The following RAPGEF4 variants were observed in gnomAD, a reference collection of about 807,000 sequenced individuals.
RAPGEF4 encodes RAP guanine-nucleotide-exchange factor (GEF) 4.
A neutral mutation model predicts 147.9 loss-of-function variants in RAPGEF4; 66 were observed. That is an observed-to-expected ratio of 0.45 (90% CI 0.37 to 0.55). The LOEUF (loss-of-function observed/expected upper bound fraction) is 0.55. Among genes scored for constraint, RAPGEF4 ranks in the 20% least tolerant of loss-of-function variants. The probability of loss-of-function intolerance (pLI) is 0.00; values close to 1 mark genes in which losing one functional copy is unlikely to be tolerated. For missense variants in RAPGEF4, 1,071 were observed against 1,257.3 expected (o/e 0.85, Z 2.24); for synonymous variants, 419 against 442.7 (o/e 0.95, Z 0.67).
At chr2:172,977,400 C>A (rs963923463) in intron 10 of RAPGEF4, among the ~76,000 whole-genome samples, 1 of 152,156 alleles carries the variant, frequency 6.6e-6, no homozygotes, top group Non-Finnish European at 1.5e-5. Context: ...TGGTGGGGAA[C>A]GCTCAGTTTT....
intron 3 of RAPGEF4, among the ~76,000 whole-genome samples, chr2:172,808,014 A>G (rs1458941196): frequency 6.6e-6 from 1 of 152,184 alleles, no homozygotes; most frequent in Non-Finnish European, 1.5e-5. Flanking sequence ...TGTTTAATTG[A>G]TTGTTAGCTA....
chr2:172,992,943 G>A (rs1692975915), intron 15 of RAPGEF4, among the ~76,000 whole-genome samples: 1 of 152,072 alleles, frequency 6.6e-6, no homozygotes, highest in African/African-American at 2.4e-5. Context: ...GATAAATATG[G>A]GGCTGATATT....
At chr2:172,738,281 ATCT>A (rs990743536) in intron 1 of RAPGEF4, among the ~76,000 whole-genome samples, 1 of 152,050 alleles carries the variant, frequency 6.6e-6, no homozygotes, top group Non-Finnish European at 1.5e-5. Flanking sequence ...TGCTATCTTG[ATCT>A]TCTTTTCCAG....
intron 4 of RAPGEF4, among the ~76,000 whole-genome samples, chr2:172,822,358 T>A (rs935892203): frequency 2.0e-5 from 3 of 152,252 alleles, no homozygotes; most frequent in Non-Finnish European, 4.4e-5. Flanking sequence ...AAATGAATTT[T>A]GTTCAAGGAA....
At chr2:172,914,610 GAGAA>G (rs1458337238) in intron 4 of RAPGEF4, among the ~76,000 whole-genome samples, 2 of 148,700 alleles carry the variant, frequency 1.3e-5, no homozygotes, top group African/African-American at 4.9e-5. Context: ...AGGAAGAAAA[GAGAA>G]AGAGAGAGAA....
intron 10 of RAPGEF4, 134 bp from the exon 11 acceptor site, chr2:172,983,362 C>T (rs1691884335): frequency 6.8e-7 from 1 of 1,461,462 alleles, no homozygotes; most frequent in Non-Finnish European, 9.0e-7. Context: ...ACTGGTGCAA[C>T]CTCTCCCTCC....
intron 4 of RAPGEF4, chr2:172,821,743 A>AAC (rs2149630986): frequency 9.6e-7 from 1 of 1,040,376 alleles, no homozygotes; most frequent in East Asian, 5.9e-5. Flanking sequence ...AAGTTAAAAA[A>AAC]AAAAAAAAAA....
chr2:172,874,503 GT>G (rs1187613394), intron 4 of RAPGEF4, among the ~76,000 whole-genome samples: 1 of 152,030 alleles, frequency 6.6e-6, no homozygotes, highest in African/African-American at 2.4e-5. Context: ...GCGATGTTTG[GT>G]TTTTTGTCCT....
At chr2:172,958,464 G>A (rs986035403) in intron 6 of RAPGEF4, among the ~76,000 whole-genome samples, 2 of 152,180 alleles carry the variant, frequency 1.3e-5, no homozygotes, top group Non-Finnish European at 1.5e-5. Context: ...ACTTCTCTGG[G>A]TGATATACTA....
chr2:172,863,275 T>C (rs1214262932), intron 4 of RAPGEF4, among the ~76,000 whole-genome samples: 1 of 151,848 alleles, frequency 6.6e-6, no homozygotes, highest in Non-Finnish European at 1.5e-5. Context: ...GAAATTGGAG[T>C]GCTCTAGTTA....
intron 4 of RAPGEF4, among the ~76,000 whole-genome samples, chr2:172,825,154 A>G (rs1021982480): frequency 6.6e-6 from 1 of 152,208 alleles, no homozygotes; most frequent in Non-Finnish European, 1.5e-5. Flanking sequence ...TAATGCATTT[A>G]ATACACCTAA....
At chr2:172,818,911 A>G (rs1035193294) in intron 4 of RAPGEF4, among the ~76,000 whole-genome samples, 1 of 152,044 alleles carries the variant, frequency 6.6e-6, no homozygotes, top group African/African-American at 2.4e-5. Flanking sequence ...TATCCCCAAT[A>G]CCTCTTGCTT....
At chr2:172,939,017 A>C (rs2105316628) in intron 6 of RAPGEF4, among the ~76,000 whole-genome samples, 1 of 152,364 alleles carries the variant, frequency 6.6e-6, no homozygotes, top group African/African-American at 2.4e-5. Flanking sequence ...ATCACTGGAT[A>C]GTGTTCCATT....
intron 1 of RAPGEF4, among the ~76,000 whole-genome samples, chr2:172,785,901 C>G (rs1478571287): frequency 1.3e-5 from 2 of 152,094 alleles, no homozygotes; most frequent in East Asian, 3.9e-4. Flanking sequence ...GAAGTTGCCA[C>G]TAAGGGGTCT....
intron 30 of RAPGEF4, 49 bp from the exon 31 acceptor site, chr2:173,051,591 A>C: frequency 1.3e-6 from 2 of 1,577,046 alleles, no homozygotes; most frequent in Non-Finnish European, 8.7e-7. Context: ...ATTGTATCTT[A>C]TATACATATA....
intron 4 of RAPGEF4, among the ~76,000 whole-genome samples, chr2:172,856,801 C>T (rs1693462783): frequency 6.6e-6 from 1 of 151,954 alleles, no homozygotes; most frequent in South Asian, 2.1e-4. Context: ...TATTTTCTAG[C>T]TGCTATCATT....
chr2:173,023,456 G>A (rs1696314535), intron 23 of RAPGEF4, among the ~76,000 whole-genome samples: 2 of 152,160 alleles, frequency 1.3e-5, no homozygotes, highest in Admixed American at 1.3e-4. Context: ...GCCCAAGGAG[G>A]CGCTTCCTCT....
At chr2:172,766,236 T>G (rs1272172659) in intron 1 of RAPGEF4, among the ~76,000 whole-genome samples, 1 of 152,132 alleles carries the variant, frequency 6.6e-6, no homozygotes, top group Non-Finnish European at 1.5e-5. Context: ...ATATCTAGAT[T>G]ATAAAATTAT....
intron 6 of RAPGEF4, among the ~76,000 whole-genome samples, chr2:172,948,558 T>C (rs1687909070): frequency 6.6e-6 from 1 of 152,164 alleles, no homozygotes; most frequent in Admixed American, 6.5e-5. Context: ...ACTTCCTTGA[T>C]CTAAAGGAAA....
Sources: gnomAD v4.1 joint callset for allele counts (sites outside exome capture counted in the v4.1 genomes callset) on GRCh38, gnomAD v4.1.1 for gene constraint, MANE v1.5 for transcripts, NCBI Gene and HGNC (gene_info 2026-07-23, HGNC 2026-07-21) for gene names.